GALNT13: variants seen among roughly 807,000 people sequenced by gnomAD.
GALNT13 encodes polypeptide N-acetylgalactosaminyltransferase 13, also known as UDP-GalNAc:polypeptide N-acetylgalactosaminyltransferase 13.
Under a neutral mutation model 64.2 loss-of-function variants are expected in GALNT13, and 28 were observed. That is an observed-to-expected ratio of 0.44 (90% CI 0.32 to 0.60). The LOEUF is 0.60. Among genes scored for constraint, GALNT13 ranks in the 20% least tolerant of loss-of-function variants. The pLI, the probability that GALNT13 is intolerant of heterozygous loss-of-function variation, is 0.05. For missense variants in GALNT13, 577 were observed against 669.8 expected, an observed-to-expected ratio of 0.86 and a Z score of 1.53; for synonymous variants, 214 against 224.6, an observed-to-expected ratio of 0.95 and a Z score of 0.42.
chr2:153,534,503 G>C, the GALNT13 span, among the ~76,000 whole-genome samples: 1 of 148,166 alleles, frequency 6.7e-6, no homozygotes. Flanking sequence ...ATGCTAGCAA[G>C]TTAGGCCCCT....
chr2:154,154,388 C>T (rs1177993875), intron 4 of GALNT13, among the ~76,000 whole-genome samples: 1 of 152,104 alleles, frequency 6.6e-6, no homozygotes, highest in Non-Finnish European at 1.5e-5. Context: ...AGCTCATTGG[C>T]CTGCAGAGGA....
chr2:153,930,917 A>G (rs1454543725), intron 2 of GALNT13, among the ~76,000 whole-genome samples: 2 of 152,112 alleles, frequency 1.3e-5, no homozygotes, highest in African/African-American at 4.8e-5. Flanking sequence ...TTTGGGCAGT[A>G]TAGCCATTTT....
At chr2:153,814,388 C>T in the GALNT13 span, among the ~76,000 whole-genome samples, 3 of 152,102 alleles carry the variant, frequency 2.0e-5, no homozygotes, top group East Asian at 3.9e-4. Flanking sequence ...TGCGGTAAGC[C>T]GAGATAGCGC....
chr2:153,554,580 A>T, the GALNT13 span, among the ~76,000 whole-genome samples: 5 of 152,122 alleles, frequency 3.3e-5, no homozygotes, highest in African/African-American at 1.2e-4. Context: ...TAAGTTGTAG[A>T]CCAAGCACTG....
chr2:153,769,556 T>C, the GALNT13 span, among the ~76,000 whole-genome samples: 1 of 152,326 alleles, frequency 6.6e-6, no homozygotes, highest in Middle Eastern at 3.4e-3. Context: ...TCATATGCCT[T>C]GGTGTGGTTC....
At chr2:153,178,426 T>C in the GALNT13 span, among the ~76,000 whole-genome samples, 6,651 of 152,266 alleles carry the variant, frequency 0.044, 466 homozygotes, top group African/African-American at 0.15. Flanking sequence ...TGATATCTCA[T>C]TGTGGTTTTA....
the GALNT13 span, among the ~76,000 whole-genome samples, chr2:153,602,963 A>T: frequency 1.3e-5 from 2 of 151,892 alleles, no homozygotes; most frequent in African/African-American, 4.8e-5. Context: ...CTTGATTGCA[A>T]TTGCTGTGAG....
At chr2:153,500,059 A>G in the GALNT13 span, among the ~76,000 whole-genome samples, 1 of 152,142 alleles carries the variant, frequency 6.6e-6, no homozygotes. Flanking sequence ...GCTGCTCCAG[A>G]TGGGCTGCTG....
chr2:154,260,394 A>G (rs1237062485), intron 8 of GALNT13, among the ~76,000 whole-genome samples: 1 of 152,164 alleles, frequency 6.6e-6, no homozygotes, highest in Admixed American at 6.6e-5. Flanking sequence ...AGTTACCTTG[A>G]ATTTCTCTAC....
At chr2:153,370,848 G>T in the GALNT13 span, 1 of 159,618 alleles carries the variant, frequency 6.3e-6, no homozygotes, top group Non-Finnish European at 1.4e-5. Flanking sequence ...TGACCATAGA[G>T]TTGGCCATGA....
the GALNT13 span, among the ~76,000 whole-genome samples, chr2:153,689,488 G>A: frequency 3.9e-5 from 6 of 151,976 alleles, no homozygotes; most frequent in East Asian, 7.8e-4. Flanking sequence ...AATAAATCCC[G>A]TTTAATAAGT....
intron 3 of GALNT13, among the ~76,000 whole-genome samples, chr2:154,027,301 C>A (rs1463724109): frequency 6.6e-6 from 1 of 152,072 alleles, no homozygotes; most frequent in Admixed American, 6.6e-5. Context: ...TTGTAGTGAA[C>A]AATGTCAGTA....
chr2:154,240,088 T>A (rs2105865723), intron 4 of GALNT13, among the ~76,000 whole-genome samples: 1 of 152,326 alleles, frequency 6.6e-6, no homozygotes, highest in East Asian at 1.9e-4. Flanking sequence ...AATAAACTTC[T>A]GTTTCTGCTC....
At chr2:153,679,399 T>G in the GALNT13 span, among the ~76,000 whole-genome samples, 1 of 152,018 alleles carries the variant, frequency 6.6e-6, no homozygotes, top group Non-Finnish European at 1.5e-5. Flanking sequence ...GTTTCTCCTC[T>G]GTCTATATAA....
the GALNT13 span, among the ~76,000 whole-genome samples, chr2:153,649,086 G>C: frequency 6.6e-6 from 1 of 152,084 alleles, no homozygotes; most frequent in African/African-American, 2.4e-5. Flanking sequence ...CTGTGAATCT[G>C]TCTGGTCCTG....
chr2:153,478,187 A>G, the GALNT13 span: 1 of 1,482,702 alleles, frequency 6.7e-7, no homozygotes, highest in Middle Eastern at 1.8e-4. Flanking sequence ...CAGCCGGGCT[A>G]GCAAAGTGGG....
intron 4 of GALNT13, among the ~76,000 whole-genome samples, chr2:154,166,436 C>T (rs943055613): frequency 1.3e-5 from 2 of 152,184 alleles, no homozygotes; most frequent in Admixed American, 1.3e-4. Flanking sequence ...GATACCATCT[C>T]ACACCAGTTA....
At chr2:153,825,669 C>A in the GALNT13 span, among the ~76,000 whole-genome samples, 4 of 148,928 alleles carry the variant, frequency 2.7e-5, no homozygotes, top group Non-Finnish European at 5.9e-5. Flanking sequence ...CTGAAACCTG[C>A]TGCACCTGAG....
intron 2 of GALNT13, among the ~76,000 whole-genome samples, chr2:153,911,326 G>T (rs12693862): frequency 6.6e-6 from 1 of 151,976 alleles, no homozygotes; most frequent in African/African-American, 2.4e-5. Context: ...TAGGTCTCTT[G>T]AAGACAGCAT....
Sources: allele counts gnomAD v4.1 joint callset (sites outside exome capture counted in the v4.1 genomes callset), GRCh38; gene constraint gnomAD v4.1.1; transcripts MANE v1.5; gene names NCBI Gene and HGNC (gene_info 2026-07-23, HGNC 2026-07-21).